Variants in RASSF7 observed in about 807,000 individuals in gnomAD.
RASSF7 encodes the protein ras association domain-containing protein 7.
In RASSF7, 41 loss-of-function variants were observed where a neutral mutation model predicts 33.8. The observed-to-expected ratio is 1.21, with a 90% CI of 0.95 to 1.57. The LOEUF (loss-of-function observed/expected upper bound fraction) is 1.57. RASSF7 is among the 40% of genes most tolerant of loss of function. RASSF7 has a pLI of 0.00. For synonymous variants in RASSF7, 298 were observed against 212.8 expected (o/e 1.40, Z -3.48); for missense variants, 622 against 497.0 (o/e 1.25, Z -2.39).
rs1275906681 is a variant in RASSF7 at position 562,177 on chromosome 11, C to T, written c.223C>T (p.Gln75Ter). The change falls in exon 3 of 6, where the codon CAG becomes TAG. Residue 75 changes from glutamine to a stop codon, truncating the protein, a stop_gained. Transcript: ENST00000397583. LOFTEE classifies it high-confidence loss of function. ...CPVGAQATCG[Q>*]FASDVQFVLR... ...AGTGGGCGCCCAGGCCACCTGCGGA[C>T]AGTTTGCCAGCGATGTCCAGTTTGT... 2 of 1,585,476 alleles carry T rather than the reference C, an allele frequency of 1.3e-6. No individual in the cohort carries two copies. Among genetic ancestry groups the T allele is most frequent in the Non-Finnish European group, 1.7e-6 (2 of 1,164,840 alleles).
rs771484934 is a variant in RASSF7, at chr11:563,417, G to A, written c.973G>A (p.Glu325Lys). ...GTQGPLPPAREESLLGAPSES... is the reference protein window; with the variant it reads ...GTQGPLPPARKESLLGAPSES... ...ACAGGGCCCTCTGCCTCCAGCCAGA[G>A]AGGAGTCCCTCCTGGGCGCTCCCTC... The change falls in exon 5 of 6, where the codon GAG becomes AAG. Residue 325 changes from glutamate to lysine, a missense_variant. Transcript: ENST00000397583. 4.3e-6 allele frequency: 7 copies of A among 1,611,932 alleles called. No individual in the cohort carries two copies. Among genetic ancestry groups the A allele is most frequent in the South Asian group, 3.3e-5 (3 of 90,954 alleles).
Position 561,350 on chromosome 11 carries a change from G to A in RASSF7, c.-135G>A. 9.8e-7 allele frequency: 1 copy of A among 1,024,936 alleles called. No homozygotes were observed. Among genetic ancestry groups the A allele is most frequent in the Non-Finnish European group, 1.2e-6 (1 of 856,216 alleles). 63.5% of individuals were successfully genotyped at this position (1,024,936 alleles called of 1,614,324 possible). On this transcript the variant is annotated 5_prime_UTR_variant, in exon 1 of 6. Coordinates refer to ENST00000397583, the MANE Select transcript of RASSF7 (RefSeq NM_003475.4). ...CTCCATCTGCAGGGTCGAGGTCTGGGTTGCGACCCCGAGCGCCTCTGCGGC... is the reference window on the plus strand; with the variant it reads ...CTCCATCTGCAGGGTCGAGGTCTGGATTGCGACCCCGAGCGCCTCTGCGGC...
Position 562,255 on chromosome 11 carries a change from C to T in RASSF7, c.301C>T (p.Pro101Ser), listed in dbSNP as rs902694647. The T allele has an allele frequency of 3.1e-6, 5 of 1,612,924 alleles. No homozygotes were observed. Among genetic ancestry groups the T allele is most frequent in the Non-Finnish European group, 4.2e-6 (5 of 1,179,954 alleles). Reference protein sequence around the residue: ...LAGRPSSDSCPPPERCLIRAS... With the variant: ...LAGRPSSDSCSPPERCLIRAS... ...TGGGAGGCCCTCCTCAGACAGCTGTCCACCCCCGGAACGCTGCCTAATTCG... is the reference window on the plus strand; with the variant it reads ...TGGGAGGCCCTCCTCAGACAGCTGTTCACCCCCGGAACGCTGCCTAATTCG... The change falls in exon 3 of 6, where the codon CCA (proline) becomes TCA (serine). Residue 101 changes from proline (P) to serine (S), a missense_variant. Transcript: ENST00000397583.
Position 563,288 on chromosome 11 carries a change from CG to C in RASSF7, c.924del (p.Pro309LeufsTer47), listed in dbSNP as rs761392729. ...QTGAALPPPP[R>X]PDRGPPGTQG... The stretch of plus-strand genomic sequence containing the variant: ...CGGGGCTGCGCTGCCACCGCCCCCA[CG>C]GCCTGACAGGGGCCCTCCTGGCACT... On this transcript the variant is annotated frameshift_variant, in exon 4 of 6. Coordinates refer to ENST00000397583, the MANE Select transcript of RASSF7 (RefSeq NM_003475.4). LOFTEE classifies it high-confidence loss of function. 2.5e-6 allele frequency: 4 copies of C among 1,610,640 alleles called. No homozygotes were observed. In the Admixed American group the frequency reaches 6.7e-5, roughly 27 times the overall value.
chr11:563,385 C>T lies in RASSF7; in HGVS notation c.952-11C>T. 6.2e-7 allele frequency: 1 copy of T among 1,610,532 alleles called. No individual in the cohort carries two copies. The highest frequency in any genetic ancestry group is 8.5e-7 in the Non-Finnish European group (1 of 1,178,704). ...CCCAGCCCCACTCCAAGCTGACTTCCCAACCCACAGGGCCCTCTGCCTCCA... is the reference window on the plus strand; with the variant it reads ...CCCAGCCCCACTCCAAGCTGACTTCTCAACCCACAGGGCCCTCTGCCTCCA... On this transcript the variant is annotated splice_polypyrimidine_tract_variant and intron_variant, in intron 4 of 5. Coordinates refer to ENST00000397583, the MANE Select transcript of RASSF7 (RefSeq NM_003475.4).
Position 563,195 on chromosome 11 carries a change from G to T in RASSF7, c.829G>T (p.Ala277Ser). The T allele has an allele frequency of 1.3e-6, 2 of 1,579,312 alleles. No individual in the cohort carries two copies. The highest frequency in any genetic ancestry group is 1.3e-5 in the African/African-American group (1 of 74,546). Residue 277 changes from alanine to serine, a missense_variant, in exon 4 of 6, where the codon GCT becomes TCT. Physicochemically the swap from Ala to Ser is moderately conservative, Grantham distance 99. Coordinates refer to ENST00000397583, the MANE Select transcript of RASSF7 (RefSeq NM_003475.4). ...EAAERALQAQ[A>S]QELEELNREL... Reference sequence around the variant, plus strand: ...GGATCTCATGTGTCCCCAGGCTCAGGCTCAGGAGCTGGAGGAGCTGAACCG... The same window carrying T: ...GGATCTCATGTGTCCCCAGGCTCAGTCTCAGGAGCTGGAGGAGCTGAACCG...
rs1853337605 is a variant in RASSF7 at position 561,909 on chromosome 11, T to G, written c.124+17T>G. 1.9e-6 allele frequency: 3 copies of G among 1,612,460 alleles called. No individual in the cohort carries two copies. Among genetic ancestry groups the G allele is most frequent in the Non-Finnish European group, 2.5e-6 (3 of 1,179,556 alleles). On this transcript the variant is annotated intron_variant, in intron 2 of 5. Transcript: ENST00000397583. ...AAGCAATAGGTGAGTCCTCTCGGGG[T>G]CAGGCAGGCCGGGCAGGTAGAGCTG...
In RASSF7 at chr11:561,476, A is replaced by G. The variant is rs953181482; in HGVS notation, c.-9A>G. On this transcript the variant is annotated splice_region_variant and 5_prime_UTR_variant, in exon 1 of 6. Transcript: ENST00000397583. ...GGGAGGGGGCAGTGTCCTCCGAGCC[A>G]GGTGAGGCGAGTAGGAAATGCTGGA... 15 of 1,262,828 alleles carry G rather than the reference A, an allele frequency of 1.2e-5. No individual in the cohort carries two copies. In the South Asian group the frequency reaches 1.9e-4, roughly 16 times the overall value. 78.2% of individuals were successfully genotyped at this position (1,262,828 alleles called of 1,614,324 possible). A position where few individuals can be genotyped will look rare whatever the true frequency, so the allele number is the denominator to read the frequency against.
intron 3 of RASSF7, 77 bp from the exon 4 acceptor site, chr11:563,112 G>A: frequency 1.4e-6 from 2 of 1,405,176 alleles, no homozygotes; most frequent in African/African-American, 2.9e-5. Context: ...GGCCCGACCA[G>A]GGAAAGTGCT....
Position 561,902 on chromosome 11 carries a change from C to T in RASSF7, c.124+10C>T, listed in dbSNP as rs781608842. 11 of 1,612,996 alleles carry T rather than the reference C, an allele frequency of 6.8e-6. No homozygotes were observed. Among genetic ancestry groups the T allele is most frequent in the South Asian group, 5.5e-5 (5 of 91,078 alleles). On this transcript the variant is annotated intron_variant, in intron 2 of 5. Coordinates refer to ENST00000397583, the MANE Select transcript of RASSF7 (RefSeq NM_003475.4). ...CTAGCCCAAGCAATAGGTGAGTCCT[C>T]TCGGGGTCAGGCAGGCCGGGCAGGT...
At position 562,077 on chromosome 11, in the gene RASSF7, A is replaced by T; in HGVS notation, c.125-2A>T. The T allele has an allele frequency of 6.6e-7, 1 of 1,509,948 alleles. No individual in the cohort carries two copies. Among genetic ancestry groups the T allele is most frequent in the Non-Finnish European group, 8.9e-7 (1 of 1,127,712 alleles). The allele number at this position is 1,509,948 out of a possible 1,614,324, so 93.5% of individuals were successfully genotyped here. ...AGGCTGACCTTCTCCTCTTCTTCCC[A>T]GGCCAGACTGGCCGCTTTGTGCTTG... On this transcript the variant is annotated splice_acceptor_variant, in intron 2 of 5. Transcript: ENST00000397583. LOFTEE classifies it high-confidence loss of function.
intron 5 of RASSF7, 29 bp from the exon 6 acceptor site, chr11:563,529 C>T: frequency 6.2e-7 from 1 of 1,610,078 alleles, no homozygotes; most frequent in Non-Finnish European, 8.5e-7. Context: ...CCTGTGGCTG[C>T]AGCCACCTCA....
Position 562,362 on chromosome 11 carries a change from C to T in RASSF7, c.408C>T (p.Leu136=). 3 of 1,600,032 alleles carry T rather than the reference C, an allele frequency of 1.9e-6. No individual in the cohort carries two copies. The highest frequency in any genetic ancestry group is 2.6e-6 in the Non-Finnish European group (3 of 1,173,964). The change falls in exon 3 of 6, where the codon CTC becomes CTT. Residue 136 remains leucine (L), a synonymous_variant. Coordinates refer to ENST00000397583, the MANE Select transcript of RASSF7 (RefSeq NM_003475.4). The stretch of plus-strand genomic sequence containing the variant: ...TGACCCCCGAGCCAGCCCCCAGCCT[C>T]TCACGCCCTGGGCCTGCGGCCCCTG... ...KTLTPEPAPS[L]SRPGPAAPVT... is the part of the protein sequence containing the mutation.
intron 3 of RASSF7, 141 bp from the exon 4 acceptor site, chr11:563,048 C>T: frequency 2.4e-6 from 2 of 837,876 alleles, no homozygotes; most frequent in East Asian, 2.7e-5. Context: ...AGCCCGGGGA[C>T]CTGATCCCCT....
rs767407734 is a variant in RASSF7, at chr11:563,260, G to A, written c.894G>A (p.Gln298=). ...RQCNLQQFIQ[Q]TGAALPPPPR... ...GCAACCTGCAGCAGTTCATCCAGCA[G>A]ACCGGGGCTGCGCTGCCACCGCCCC... The change falls in exon 4 of 6, where the codon CAG becomes CAA. Residue 298 remains glutamine, a synonymous_variant. Coordinates refer to ENST00000397583, the MANE Select transcript of RASSF7 (RefSeq NM_003475.4). 6.8e-6 allele frequency: 11 copies of A among 1,611,362 alleles called. No individual in the cohort carries two copies. The highest frequency in any genetic ancestry group is 9.3e-6 in the Non-Finnish European group (11 of 1,179,214).
At chr11:562,022 A>C in intron 2 of RASSF7, 57 bp from the exon 3 acceptor site, 1 of 1,513,582 alleles carries the variant, frequency 6.6e-7, no homozygotes, top group South Asian at 1.3e-5. Context: ...CAACTCTTCA[A>C]GCCAGGTGGA....
Position 562,713 on chromosome 11 carries a change from G to A in RASSF7, c.759G>A (p.Ala253=), listed in dbSNP as rs750141025. 45 of 1,541,096 alleles carry A rather than the reference G, an allele frequency of 2.9e-5. No homozygotes were observed. Among genetic ancestry groups the A allele is most frequent in the East Asian group, 2.7e-4 (11 of 40,914 alleles). ...TGGCTGTTCAGGAGCGGCAGAGTGC[G>A]GAGGTGCAGGGCAGCCTGGCTCTGG... ...QDLAVQERQS[A]EVQGSLALVS... The change falls in exon 3 of 6, where the codon GCG becomes GCA. Residue 253 remains alanine, a synonymous_variant. Coordinates refer to ENST00000397583, the MANE Select transcript of RASSF7 (RefSeq NM_003475.4).
At position 562,085 on chromosome 11, in the gene RASSF7, C is replaced by A; in HGVS notation, c.131C>A (p.Thr44Asn). The A allele has an allele frequency of 6.6e-7, 1 of 1,516,140 alleles. No homozygotes were observed. The highest frequency in any genetic ancestry group is 8.8e-7 in the Non-Finnish European group (1 of 1,130,964). The allele number at this position is 1,516,140 out of a possible 1,614,324, so 93.9% of individuals were successfully genotyped here. A position where few individuals can be genotyped will look rare whatever the true frequency, so the allele number is the denominator to read the frequency against. The change falls in exon 3 of 6, where the codon ACT (threonine) becomes AAT (asparagine). Residue 44 changes from threonine to asparagine, a missense_variant. Thr to Asn is a moderately conservative substitution (Grantham distance 65). Transcript: ENST00000397583. ...CTTCTCCTCTTCTTCCCAGGCCAGACTGGCCGCTTTGTGCTTGTGCAGCGG... is the reference window on the plus strand; with the variant it reads ...CTTCTCCTCTTCTTCCCAGGCCAGAATGGCCGCTTTGTGCTTGTGCAGCGG... Reference protein sequence around the residue: ...VIALAQAIGQTGRFVLVQRLR... With the variant: ...VIALAQAIGQNGRFVLVQRLR...
In RASSF7 at chr11:561,262, A is replaced by G. The variant is rs1242150731; in HGVS notation, c.-223A>G. On this transcript the variant is annotated 5_prime_UTR_variant, in exon 1 of 6. Coordinates refer to ENST00000397583, the MANE Select transcript of RASSF7 (RefSeq NM_003475.4). ...GGACCGGGACTTTCGGGGCGAGCGC[A>G]GCGATTAGGCGGCAGCGGCGGGGCT... 4 of 985,364 alleles carry G rather than the reference A, an allele frequency of 4.1e-6. No individual in the cohort carries two copies. Among genetic ancestry groups the G allele is most frequent in the Non-Finnish European group, 4.8e-6 (4 of 829,992 alleles). 61.0% of individuals were successfully genotyped at this position (985,364 alleles called of 1,614,324 possible). A position where few individuals can be genotyped will look rare whatever the true frequency, so the allele number is the denominator to read the frequency against.
Sources: allele counts gnomAD v4.1 joint callset, GRCh38; gene constraint gnomAD v4.1.1; transcripts MANE v1.5; gene names NCBI Gene and HGNC (gene_info 2026-07-23, HGNC 2026-07-21).